AFG1L: variants seen among roughly 807,000 people sequenced by gnomAD.
AFG1L encodes the protein AFG1 like ATPase.
AFG1L carries 53 observed loss-of-function variants against 62.2 expected under a neutral mutation model. The observed-to-expected ratio is 0.85, with a 90% confidence interval of 0.68 to 1.07. The LOEUF is 1.07. AFG1L is among the 50% of genes least tolerant of loss of function. The pLI is 0.00. For synonymous variants in AFG1L, 228 were observed against 210.3 expected, an observed-to-expected ratio of 1.08 and a Z score of -0.73; for missense variants, 555 against 590.5, an observed-to-expected ratio of 0.94 and a Z score of 0.62.
rs1184074963 is a variant in AFG1L at position 108,446,491 on chromosome 6, C to CTTT, written c.808-704_808-702dup. On this transcript the variant is annotated intron_variant, in intron 7 of 12. Transcript: ENST00000368977. Reference sequence around the variant, plus strand: ...TGTTCTGGCCCAACTCTCTCTCTCTCTTTTTTTTTTTTTTTTTTTTTGTGT... The same window carrying CTTT: ...TGTTCTGGCCCAACTCTCTCTCTCTCTTTTTTTTTTTTTTTTTTTTTTTTGTGT... Among the ~76,000 whole-genome samples, 106 of 122,278 alleles carry CTTT rather than the reference C, an allele frequency of 8.7e-4. 1 individual carries two copies. Among genetic ancestry groups the CTTT allele is most frequent in the African/African-American group, 1.8e-3 (50 of 28,516 alleles). The allele number at this position is 122,278 out of a possible 152,430, so 80.2% of individuals were successfully genotyped here.
At chr6:108,439,445 T>G (rs1771448053) in intron 7 of AFG1L, among the ~76,000 whole-genome samples, 1 of 152,236 alleles carries the variant, frequency 6.6e-6, no homozygotes, top group Non-Finnish European at 1.5e-5. Context: ...GAAACATCTT[T>G]AGTATCATCC....
At chr6:108,297,502 T>G (rs561066924) in intron 1 of AFG1L, among the ~76,000 whole-genome samples, 1 of 152,184 alleles carries the variant, frequency 6.6e-6, no homozygotes, top group African/African-American at 2.4e-5. Flanking sequence ...CCTGTTTTTT[T>G]GGGGGGGTAC....
rs547049141 is a variant in AFG1L at position 108,491,955 on chromosome 6, C to T, written c.1062+14663C>T. ...TCCATTTCTTTCCAATGGACTCTCA[C>T]AAAGAAAGCAAAACAAACAAAAACA... On this transcript the variant is annotated intron_variant, in intron 10 of 12. Coordinates refer to ENST00000368977, the MANE Select transcript of AFG1L (RefSeq NM_145315.5). Among the ~76,000 whole-genome samples, 8 of 152,106 alleles carry T rather than the reference C, an allele frequency of 5.3e-5. No individual in the cohort carries two copies. In the South Asian group the frequency reaches 1.7e-3, roughly 32 times the overall value.
At chr6:108,463,229 C>G (rs1361385942) in intron 8 of AFG1L, among the ~76,000 whole-genome samples, 1 of 135,500 alleles carries the variant, frequency 7.4e-6, no homozygotes, top group Non-Finnish European at 1.5e-5. Flanking sequence ...GCAGAGGTTA[C>G]AGTGAACTGA....
At chr6:108,365,393 T>A (rs1166541541) in intron 5 of AFG1L, among the ~76,000 whole-genome samples, 3 of 152,128 alleles carry the variant, frequency 2.0e-5, no homozygotes, top group Non-Finnish European at 4.4e-5. Context: ...AAACCTAACT[T>A]GGATGGAATA....
Position 108,356,695 on chromosome 6 carries a change from C to T in AFG1L, c.523C>T (p.His175Tyr). 6.2e-7 allele frequency: 1 copy of T among 1,601,710 alleles called. No homozygotes were observed. The highest frequency in any genetic ancestry group is 2.2e-5 in the East Asian group (1 of 44,698). The change falls in exon 5 of 13, where the codon CAT (histidine) becomes TAT (tyrosine). Residue 175 changes from histidine to tyrosine, a missense_variant. By Grantham distance (83) the His-to-Tyr change is moderately conservative. Coordinates refer to ENST00000368977, the MANE Select transcript of AFG1L (RefSeq NM_145315.5). ...GFMLDVHKRI[H>Y]RLKQSLPKRK... is the part of the protein sequence containing the mutation. ...TTTAATTTCATGCATTTAAGGAATA[C>T]ATCGCCTTAAACAGAGTTTGCCAAA... is the stretch of plus-strand genomic sequence containing the variant.
intron 1 of AFG1L, among the ~76,000 whole-genome samples, chr6:108,300,309 C>A (rs539311509): frequency 6.6e-6 from 1 of 152,116 alleles, no homozygotes; most frequent in East Asian, 1.9e-4. Context: ...CCACCACTGC[C>A]CAGCTAATTT....
At chr6:108,510,939 T>C (rs1242030566) in intron 11 of AFG1L, among the ~76,000 whole-genome samples, 3 of 151,750 alleles carry the variant, frequency 2.0e-5, no homozygotes, top group Non-Finnish European at 4.4e-5. Flanking sequence ...TAGCTGGGTG[T>C]GGTGATGAGG....
chr6:108,320,638 C>T (rs1777781595), intron 1 of AFG1L, among the ~76,000 whole-genome samples: 1 of 152,134 alleles, frequency 6.6e-6, no homozygotes, highest in Non-Finnish European at 1.5e-5. Flanking sequence ...TATCTTCTTG[C>T]TTATCAAGTG....
intron 1 of AFG1L, among the ~76,000 whole-genome samples, chr6:108,299,194 G>C (rs1490001529): frequency 6.6e-6 from 1 of 151,954 alleles, no homozygotes; most frequent in African/African-American, 2.4e-5. Flanking sequence ...CCAGGCGGCG[G>C]AGGTTGCAGT....
At chr6:108,379,837 G>A (rs887902643) in intron 6 of AFG1L, among the ~76,000 whole-genome samples, 1 of 152,214 alleles carries the variant, frequency 6.6e-6, no homozygotes, top group Non-Finnish European at 1.5e-5. Context: ...CAGGAAGCGT[G>A]GGGCAGCTTA....
intron 8 of AFG1L, among the ~76,000 whole-genome samples, chr6:108,475,560 A>G (rs1487395316): frequency 6.6e-6 from 1 of 152,084 alleles, no homozygotes; most frequent in Non-Finnish European, 1.5e-5. Flanking sequence ...CTCTAAAATT[A>G]CTTTCTATAG....
intron 7 of AFG1L, among the ~76,000 whole-genome samples, chr6:108,416,369 T>C (rs1198808420): frequency 6.6e-6 from 1 of 152,196 alleles, no homozygotes; most frequent in African/African-American, 2.4e-5. Flanking sequence ...AGTGTGGCGA[T>C]TCCTCAAGGA....
chr6:108,390,616 G>C (rs1023718160), intron 6 of AFG1L, among the ~76,000 whole-genome samples: 2 of 152,196 alleles, frequency 1.3e-5, no homozygotes, highest in Admixed American at 1.3e-4. Context: ...GTCTGTTGGA[G>C]TTTGCTGGAG....
chr6:108,354,671 G>A (rs1779200161), intron 3 of AFG1L, among the ~76,000 whole-genome samples: 1 of 152,118 alleles, frequency 6.6e-6, no homozygotes, highest in Non-Finnish European at 1.5e-5. Context: ...ATACAGTGTG[G>A]ATATGCTAGA....
intron 7 of AFG1L, among the ~76,000 whole-genome samples, chr6:108,445,351 C>G (rs1771724788): frequency 6.6e-6 from 1 of 152,182 alleles, no homozygotes; most frequent in Admixed American, 6.5e-5. Context: ...GTTTTGCTTT[C>G]TTGTGGTTCA....
intron 1 of AFG1L, among the ~76,000 whole-genome samples, chr6:108,300,048 CA>C (rs1776918920): frequency 6.6e-6 from 1 of 151,994 alleles, no homozygotes; most frequent in South Asian, 2.1e-4. Context: ...ATTATGCTGA[CA>C]ATATAACAAT....
At chr6:108,495,699 A>G (rs1168890717) in intron 10 of AFG1L, among the ~76,000 whole-genome samples, 1 of 152,256 alleles carries the variant, frequency 6.6e-6, no homozygotes, top group Non-Finnish European at 1.5e-5. Context: ...ATCAAGCTGT[A>G]TACTCTTGGT....
intron 7 of AFG1L, among the ~76,000 whole-genome samples, chr6:108,431,112 T>G (rs1289514019): frequency 6.6e-6 from 1 of 151,680 alleles, no homozygotes; most frequent in Non-Finnish European, 1.5e-5. Flanking sequence ...ATAATTTCTT[T>G]TTTTTTTGGA....
Sources: allele counts gnomAD v4.1 joint callset (sites outside exome capture counted in the v4.1 genomes callset), GRCh38; gene constraint gnomAD v4.1.1; transcripts MANE v1.5; gene names NCBI Gene and HGNC (gene_info 2026-07-23, HGNC 2026-07-21).